ELN: variants seen among roughly 807,000 people sequenced by gnomAD.
ELN encodes elastin, also known as tropoelastin.
In ELN, 65 loss-of-function variants were observed where a neutral mutation model predicts 105.8. The ratio of observed to expected loss-of-function variants is 0.61; its 90% CI spans 0.50 to 0.75. The LOEUF is 0.75. Among genes scored for constraint, ELN ranks in the 30% least tolerant of loss-of-function variants. The pLI is 0.00. For synonymous variants in ELN, 368 were observed against 389.2 expected (o/e 0.95, Z 0.64); for missense variants, 882 against 969.4 (o/e 0.91, Z 1.20).
At chr7:74,040,000 T>A (rs1258630290) in intron 4 of ELN, among the ~76,000 whole-genome samples, 3 of 152,150 alleles carry the variant, frequency 2.0e-5, no homozygotes, top group Non-Finnish European at 4.4e-5. Context: ...CCTTTCCAGA[T>A]GCTAGAATCC....
intron 26 of ELN, among the ~76,000 whole-genome samples, chr7:74,061,449 C>T (rs1358310387): frequency 2.6e-5 from 4 of 151,218 alleles, no homozygotes; most frequent in African/African-American, 9.7e-5. Flanking sequence ...GTCGGGGGTT[C>T]CAGACCAGCC....
At chr7:74,047,635 G>T (rs1031629350) in intron 12 of ELN, 40 bp from the exon 13 acceptor site, 3 of 1,614,024 alleles carry the variant, frequency 1.9e-6, no homozygotes, top group Admixed American at 1.7e-5. Context: ...GCCCAGCAAG[G>T]CATGGGGCAG....
chr7:74,059,902 CGGCGTGGCTCCTGGAGTT>C lies in ELN; in HGVS notation c.1446_1463del (p.Val491_Gly496del), dbSNP rs1563852008. The C allele has an allele frequency of 1.4e-6, 2 of 1,396,156 alleles. No individual in the cohort carries two copies. The highest frequency in any genetic ancestry group is 1.0e-6 in the Non-Finnish European group (1 of 981,256). The allele number at this position is 1,396,156 out of a possible 1,614,324, so 86.5% of individuals were successfully genotyped here. A position where few individuals can be genotyped will look rare whatever the true frequency, so the allele number is the denominator to read the frequency against. On this transcript the variant is annotated inframe_deletion, in exon 23 of 33. Transcript: ENST00000252034. ...ATCTTGCAGGGTTAGTTCCTGGTGT[CGGCGTGGCTCCTGGAGTT>C]GGCGTGGCTCCTGGTGTCGGTGTGG...
intron 10 of ELN, 135 bp from the exon 11 acceptor site, chr7:74,046,053 G>A: frequency 8.0e-7 from 1 of 1,247,002 alleles, no homozygotes; most frequent in Non-Finnish European, 1.2e-6. Context: ...AGAAACCCCA[G>A]AGTTCATGTG....
intron 22 of ELN, 53 bp downstream of exon 22, chr7:74,057,749 G>T (rs559835089): frequency 6.3e-7 from 1 of 1,599,314 alleles, no homozygotes; most frequent in Non-Finnish European, 8.6e-7. Context: ...TTTCTCCTGT[G>T]CCCTGCTCTG....
chr7:74,064,336 A>G (rs1584023319), intron 29 of ELN, among the ~76,000 whole-genome samples: 1 of 151,138 alleles, frequency 6.6e-6, no homozygotes, highest in Non-Finnish European at 1.5e-5. Flanking sequence ...AATGGCGTGA[A>G]CCTGGGAGGC....
intron 5 of ELN, 101 bp from the exon 6 acceptor site, chr7:74,042,512 TC>T: frequency 1.0e-6 from 1 of 968,258 alleles, no homozygotes; most frequent in South Asian, 1.4e-5. Context: ...CGGAAGAGCC[TC>T]CAATGTGCTT....
chr7:74,041,313 G>A (rs1791164866), intron 5 of ELN, 62 bp downstream of exon 5: 1 of 1,605,984 alleles, frequency 6.2e-7, no homozygotes, highest in African/African-American at 1.3e-5. Flanking sequence ...CTCAACCCAG[G>A]GCTGGTATGC....
chr7:74,033,820 G>A (rs1400031333), intron 1 of ELN, among the ~76,000 whole-genome samples: 2 of 152,222 alleles, frequency 1.3e-5, no homozygotes, highest in East Asian at 1.9e-4. Context: ...CGGGGCTCCC[G>A]GCCCCTTTCA....
chr7:74,064,377 T>C (rs1309008809), intron 29 of ELN, among the ~76,000 whole-genome samples: 1 of 149,544 alleles, frequency 6.7e-6, no homozygotes, highest in East Asian at 2.0e-4. Flanking sequence ...ATCGCGCCAC[T>C]GCACTCCAGC....
chr7:74,066,323 T>C (rs548208428), intron 31 of ELN, among the ~76,000 whole-genome samples: 173 of 152,162 alleles, frequency 1.1e-3, no homozygotes, highest in African/African-American at 3.0e-3. Context: ...TCCCAGCACT[T>C]TGGGAGGCCT....
At position 74,065,545 on chromosome 7, in the gene ELN, T is replaced by C. The variant is rs560143719; in HGVS notation, c.1994-149T>C. 1.7e-5 allele frequency: 15 copies of C among 886,354 alleles called. No individual in the cohort carries two copies. In the South Asian group the frequency reaches 2.3e-4, roughly 14 times the overall value. 54.9% of individuals were successfully genotyped at this position (886,354 alleles called of 1,614,324 possible). ...AGGAGAACCGCTTGAACCCAGGAGA[T>C]GGAGGTTGCAGTGAGCCGGGATCGC... On this transcript the variant is annotated intron_variant, in intron 29 of 32. Coordinates refer to ENST00000252034, the MANE Select transcript of ELN (RefSeq NM_000501.4).
chr7:74,051,081 C>G (rs547025840), intron 15 of ELN, among the ~76,000 whole-genome samples: 1 of 152,166 alleles, frequency 6.6e-6, no homozygotes, highest in Admixed American at 6.5e-5. Flanking sequence ...TTCCTGTGCC[C>G]GTGCAGTGGG....
chr7:74,043,950 A>G, intron 9 of ELN, 30 bp downstream of exon 9: 1 of 1,613,730 alleles, frequency 6.2e-7, no homozygotes, highest in Non-Finnish European at 8.5e-7. Flanking sequence ...CAGGGACTCT[A>G]TAGGAAGAAA....
In ELN at chr7:74,049,733, C is replaced by A. The variant is rs528166960; in HGVS notation, c.799+1177C>A. On this transcript the variant is annotated intron_variant, in intron 15 of 32. Transcript: ENST00000252034. ...CCATCAATTCTTCCCTCCATCCATT[C>A]TTCCCTCTATCCATCCACTCATCCA... Among the ~76,000 whole-genome samples the A allele has an allele frequency of 2.6e-5, 4 of 151,714 alleles. No individual in the cohort carries two copies. The South Asian group carries it at 8.4e-4, about 32-fold the overall frequency.
intron 1 of ELN, among the ~76,000 whole-genome samples, chr7:74,029,324 T>A (rs1788138419): frequency 6.6e-6 from 1 of 152,142 alleles, no homozygotes; most frequent in African/African-American, 2.4e-5. Flanking sequence ...CCTGGGGCAC[T>A]GCTGGGCCAT....
intron 29 of ELN, among the ~76,000 whole-genome samples, chr7:74,064,414 C>CA (rs782201893): frequency 0.04 from 5,346 of 134,102 alleles, 106 homozygotes; most frequent in South Asian, 0.073. Context: ...GACTCCGTCT[C>CA]AAAAAAAAAA....
At chr7:74,056,196 C>A in intron 19 of ELN, 75 bp from the exon 20 acceptor site, 1 of 1,583,116 alleles carries the variant, frequency 6.3e-7, no homozygotes, top group Non-Finnish European at 8.7e-7. Flanking sequence ...CTTTCCCAAT[C>A]CATCAGCATC....
Position 74,045,945 on chromosome 7 carries a change from G to C in ELN, c.542-243G>C, listed in dbSNP as rs1173176217. 3 of 545,616 alleles carry C rather than the reference G, an allele frequency of 5.5e-6. No homozygotes were observed. The African/African-American group carries it at 5.7e-5, about 10-fold the overall frequency. 33.8% of individuals were successfully genotyped at this position (545,616 alleles called of 1,614,324 possible). On this transcript the variant is annotated intron_variant, in intron 10 of 32. Transcript: ENST00000252034. ...AGCTACTTGGGAGGCTGAGGCGGGA[G>C]AATCGCCAGAACCTGGGAGGCAGAG...
Sources: allele counts gnomAD v4.1 joint callset (sites outside exome capture counted in the v4.1 genomes callset), GRCh38; gene constraint gnomAD v4.1.1; transcripts MANE v1.5; gene names NCBI Gene and HGNC (gene_info 2026-07-23, HGNC 2026-07-21).